Variants in RACK1 observed in about 807,000 individuals in gnomAD.
RACK1 encodes the protein small ribosomal subunit protein RACK1.
Under a neutral mutation model 42.2 loss-of-function variants are expected in RACK1, and 3 were observed. The observed-to-expected ratio is 0.07, with a 90% CI of 0.03 to 0.18. The LOEUF (loss-of-function observed/expected upper bound fraction) is 0.18, where lower values mean the gene tolerates loss of function less well. Among genes scored for constraint, RACK1 ranks in the 10% least tolerant of loss-of-function variants. The probability of loss-of-function intolerance (pLI) is 1.00; values close to 1 mark genes in which losing one functional copy is unlikely to be tolerated. For synonymous variants in RACK1, 181 were observed against 154.8 expected (o/e 1.17, Z -1.25); for missense variants, 146 against 403.2 (o/e 0.36, Z 5.46).
intron 7 of RACK1, chr5:181,237,366 T>C (rs957098488): frequency 1.4e-6 from 1 of 705,148 alleles, no homozygotes; most frequent in South Asian, 1.5e-5. Flanking sequence ...ATTTGAAAAC[T>C]GGTCAGATTA....
chr5:181,243,873 A>T lies in RACK1; in HGVS notation c.-73T>A. 1.3e-6 allele frequency: 2 copies of T among 1,492,870 alleles called. No homozygotes were observed. The highest frequency in any genetic ancestry group is 1.8e-6 in the Non-Finnish European group (2 of 1,116,316). 92.5% of individuals were successfully genotyped at this position (1,492,870 alleles called of 1,614,324 possible). ...ATGGCTTAGAGAAACTAGCACCACA[A>T]CCTCTCCTGCCGCCGCCTTGCAGTG... On this transcript the variant is annotated 5_prime_UTR_variant, in exon 1 of 8. The change creates a new upstream start codon in the 5' untranslated region. Coordinates refer to ENST00000512805, the MANE Select transcript of RACK1 (RefSeq NM_006098.5).
intron 3 of RACK1, among the ~76,000 whole-genome samples, chr5:181,239,795 T>C (rs1369005110): frequency 2.0e-5 from 3 of 152,190 alleles, no homozygotes; most frequent in Admixed American, 2.0e-4. Flanking sequence ...CTCACGCCTC[T>C]AATCCCAGGG....
At chr5:181,239,403 A>C (rs1372955421) in intron 4 of RACK1, 84 bp downstream of exon 4, 1 of 990,246 alleles carries the variant, frequency 1.0e-6, no homozygotes, top group African/African-American at 1.6e-5. Context: ...GGGCATCTGC[A>C]AAGCTTTCCA....
chr5:181,242,050 G>A, intron 2 of RACK1, 124 bp downstream of exon 2: 1 of 860,376 alleles, frequency 1.2e-6, no homozygotes, highest in South Asian at 1.5e-5. Flanking sequence ...ATCTTCTGTA[G>A]GTGTGCTCTG....
intron 7 of RACK1, 89 bp from the exon 8 acceptor site, chr5:181,237,131 C>T (rs570966311): frequency 2.1e-5 from 33 of 1,579,886 alleles, no homozygotes; most frequent in African/African-American, 9.4e-5. Context: ...TTTTGAGATC[C>T]GTCCACCTTG....
intron 2 of RACK1, 179 bp downstream of exon 2, chr5:181,241,995 C>T: frequency 2.5e-6 from 2 of 786,124 alleles, no homozygotes; most frequent in Middle Eastern, 3.4e-4. Context: ...CAGCCACACT[C>T]CTCAGCAATG....
chr5:181,242,014 C>T (rs958272407), intron 2 of RACK1, 160 bp downstream of exon 2: 33 of 795,888 alleles, frequency 4.1e-5, no homozygotes, highest in African/African-American at 8.4e-5. Context: ...TGCTGAGTAA[C>T]TTATTTAAAG....
intron 4 of RACK1, 36 bp downstream of exon 4, chr5:181,239,451 T>C: frequency 6.8e-7 from 1 of 1,479,100 alleles, no homozygotes; most frequent in Non-Finnish European, 9.5e-7. Flanking sequence ...GAGCACACCC[T>C]GACTGGTAAA....
chr5:181,243,892 T>A lies in RACK1; in HGVS notation c.-92A>T. The A allele has an allele frequency of 6.8e-7, 1 of 1,475,080 alleles. No individual in the cohort carries two copies. The highest frequency in any genetic ancestry group is 9.0e-7 in the Non-Finnish European group (1 of 1,110,642). 91.4% of individuals were successfully genotyped at this position (1,475,080 alleles called of 1,614,324 possible). A position where few individuals can be genotyped will look rare whatever the true frequency, so the allele number is the denominator to read the frequency against. ...ACCACAACCTCTCCTGCCGCCGCCT[T>A]GCAGTGAAAGAGAGAGAGAAAAGCC... On this transcript the variant is annotated 5_prime_UTR_variant, in exon 1 of 8. Coordinates refer to ENST00000512805, the MANE Select transcript of RACK1 (RefSeq NM_006098.5).
chr5:181,238,915 C>T, intron 5 of RACK1, 152 bp downstream of exon 5: 1 of 728,186 alleles, frequency 1.4e-6, no homozygotes, highest in South Asian at 1.4e-5. Context: ...TGAAAGTAAT[C>T]TTTGGAAACA....
chr5:181,240,061 A>G (rs536685330), intron 3 of RACK1, among the ~76,000 whole-genome samples: 1 of 151,784 alleles, frequency 6.6e-6, no homozygotes, highest in South Asian at 2.1e-4. Context: ...AAAAAATATA[A>G]TAATAATAAT....
chr5:181,241,442 A>C (rs765841498), intron 3 of RACK1, 50 bp downstream of exon 3: 2 of 1,513,430 alleles, frequency 1.3e-6, no homozygotes, highest in Non-Finnish European at 1.8e-6. Flanking sequence ...AAAAAAAAAA[A>C]AGCAAAGTTT....
In RACK1 at chr5:181,237,591, G is replaced by C. The variant is rs1274584097; in HGVS notation, c.888+18C>G. On this transcript the variant is annotated intron_variant, in intron 7 of 7. Transcript: ENST00000512805. ...ATTAACTGGAAGCAGAATCACCTGA[G>C]AGGACAGACCCACTTACCTGGCCAT... The C allele has an allele frequency of 1.5e-6, 2 of 1,304,374 alleles. No homozygotes were observed. The highest frequency in any genetic ancestry group is 1.8e-4 in the Middle Eastern group (1 of 5,472). The allele number at this position is 1,304,374 out of a possible 1,614,324, so 80.8% of individuals were successfully genotyped here.
At chr5:181,242,981 A>G in intron 1 of RACK1, 5 of 340,494 alleles carry the variant, frequency 1.5e-5, no homozygotes, top group South Asian at 8.8e-5. Context: ...GTGGCTGTAG[A>G]GTAGCTGGGG....
rs896780641 is a variant in RACK1, at chr5:181,238,306, G to C, written c.637-67C>G. 4 of 1,522,246 alleles carry C rather than the reference G, an allele frequency of 2.6e-6. No individual in the cohort carries two copies. The African/African-American group carries it at 5.5e-5, about 21-fold the overall frequency. 94.3% of individuals were successfully genotyped at this position (1,522,246 alleles called of 1,614,324 possible). On this transcript the variant is annotated intron_variant, in intron 5 of 7. Coordinates refer to ENST00000512805, the MANE Select transcript of RACK1 (RefSeq NM_006098.5). Reference sequence around the variant, plus strand: ...CAGATGTTAATTCTGCCCATCTCAAGATTCTGTCAGAATCAATTCTTACCT... The same window carrying C: ...CAGATGTTAATTCTGCCCATCTCAACATTCTGTCAGAATCAATTCTTACCT...
chr5:181,241,457 G>T, intron 3 of RACK1, 35 bp downstream of exon 3: 2 of 1,500,220 alleles, frequency 1.3e-6, no homozygotes, highest in Non-Finnish European at 1.8e-6. Context: ...AAGTTTAAGA[G>T]GGTGGAAGAG....
intron 7 of RACK1, chr5:181,237,299 G>A (rs1358530541): frequency 4.1e-6 from 3 of 732,780 alleles, no homozygotes; most frequent in African/African-American, 3.5e-5. Flanking sequence ...CAGCCAGCTT[G>A]TAAGTGGTGG....
rs906251419 is a variant in RACK1, at chr5:181,243,180, G to A, written c.109+512C>T. Reference sequence around the variant, plus strand: ...GTGTAGCAGCAAAGCGGAAGCACAAGAAGCGTCTAAACGCAGTCAGGAACA... The same window carrying A: ...GTGTAGCAGCAAAGCGGAAGCACAAAAAGCGTCTAAACGCAGTCAGGAACA... On this transcript the variant is annotated intron_variant, in intron 1 of 7. Transcript: ENST00000512805. 3.4e-6 allele frequency: 3 copies of A among 888,552 alleles called. No individual in the cohort carries two copies. In the African/African-American group the frequency reaches 5.2e-5, roughly 15 times the overall value. 55.0% of individuals were successfully genotyped at this position (888,552 alleles called of 1,614,324 possible).
At chr5:181,239,217 T>A in intron 4 of RACK1, 40 bp from the exon 5 acceptor site, 4 of 1,313,282 alleles carry the variant, frequency 3.0e-6, no homozygotes, top group Non-Finnish European at 4.4e-6. Flanking sequence ...ATCCTAGCTC[T>A]TGATGAGCTA....
Sources: allele counts gnomAD v4.1 joint callset (sites outside exome capture counted in the v4.1 genomes callset), GRCh38; gene constraint gnomAD v4.1.1; transcripts MANE v1.5; gene names NCBI Gene and HGNC (gene_info 2026-07-23, HGNC 2026-07-21).